ASAP1: variants seen among roughly 807,000 people sequenced by gnomAD.
ASAP1 encodes ArfGAP with SH3 domain, ankyrin repeat and PH domain 1.
ASAP1 carries 43 observed loss-of-function variants against 145.2 expected under a neutral mutation model. That is an observed-to-expected ratio of 0.30 (90% CI 0.23 to 0.38). The LOEUF is 0.38. ASAP1 is among the 10% of genes least tolerant of loss of function. ASAP1 has a pLI of 1.00. For synonymous variants in ASAP1, 546 were observed against 515.5 expected (o/e 1.06, Z -0.80); for missense variants, 1,018 against 1,355.3 (o/e 0.75, Z 3.91).
At chr8:130,215,466 G>A (rs994588232) in intron 4 of ASAP1, among the ~76,000 whole-genome samples, 5 of 151,718 alleles carry the variant, frequency 3.3e-5, no homozygotes, top group East Asian at 3.9e-4. Context: ...GTGTAGGGCC[G>A]GGAGCGGTGG....
intron 3 of ASAP1, among the ~76,000 whole-genome samples, chr8:130,346,513 C>T (rs1825711565): frequency 6.6e-6 from 1 of 151,862 alleles, no homozygotes; most frequent in Non-Finnish European, 1.5e-5. Flanking sequence ...CCTTTCTAAA[C>T]CTAGTTCATC....
chr8:130,364,473 G>A (rs539531012), intron 2 of ASAP1, among the ~76,000 whole-genome samples: 2 of 152,358 alleles, frequency 1.3e-5, no homozygotes, highest in South Asian at 4.1e-4. Flanking sequence ...CTGTCAAGTA[G>A]TGGAGCAGGA....
In ASAP1 at chr8:130,107,444, C is replaced by G. The variant is rs142214307; in HGVS notation, c.2401+4650G>C. The stretch of plus-strand genomic sequence containing the variant: ...TCGTGATCCGCCCGCCTCAGCCTCC[C>G]AAAGTGCTGGGATTACAGGTGTGAG... On this transcript the variant is annotated intron_variant, in intron 24 of 29. Transcript: ENST00000518721. Among the ~76,000 whole-genome samples, 407 of 151,548 alleles carry G rather than the reference C, an allele frequency of 2.7e-3. 1 individual carries two copies. Among genetic ancestry groups the G allele is most frequent in the African/African-American group, 9.4e-3 (390 of 41,332 alleles).
intron 1 of ASAP1, among the ~76,000 whole-genome samples, chr8:130,438,166 A>G (rs1217791135): frequency 6.6e-6 from 1 of 152,138 alleles, no homozygotes; most frequent in African/African-American, 2.4e-5. Context: ...GTTTCTGGGG[A>G]GGATCTGGGA....
chr8:130,440,160 G>A (rs536916847), intron 1 of ASAP1, among the ~76,000 whole-genome samples: 8 of 152,020 alleles, frequency 5.3e-5, no homozygotes, highest in Non-Finnish European at 8.8e-5. Flanking sequence ...CCAGTTCTAA[G>A]CCACCATCCT....
At chr8:130,403,224 C>T (rs56677646) in intron 1 of ASAP1, among the ~76,000 whole-genome samples, 49,055 of 151,840 alleles carry the variant, frequency 0.32, 8,706 homozygotes, top group African/African-American at 0.46. Context: ...TTGATATCAT[C>T]AAATATTCAC....
chr8:130,079,013 C>T (rs1055174290), intron 26 of ASAP1, among the ~76,000 whole-genome samples: 2 of 150,438 alleles, frequency 1.3e-5, no homozygotes, highest in African/African-American at 2.5e-5. Context: ...GGGCAACATG[C>T]TGAGGCCTTG....
intron 2 of ASAP1, chr8:130,361,904 G>C: frequency 1.4e-6 from 1 of 695,002 alleles, no homozygotes; most frequent in Non-Finnish European, 2.6e-6. Context: ...TGTGCACCTG[G>C]CTTTATATAA....
intron 28 of ASAP1, 66 bp from the exon 29 acceptor site, chr8:130,058,142 T>C: frequency 6.3e-7 from 1 of 1,576,710 alleles, no homozygotes; most frequent in Non-Finnish European, 8.7e-7. Flanking sequence ...GCAGCGGTTC[T>C]TTGTAAAATG....
At chr8:130,165,837 A>C (rs2136063307) in intron 11 of ASAP1, among the ~76,000 whole-genome samples, 1 of 152,348 alleles carries the variant, frequency 6.6e-6, no homozygotes, top group Middle Eastern at 3.4e-3. Context: ...TTAAAAGATT[A>C]GTGTCACTAG....
intron 2 of ASAP1, among the ~76,000 whole-genome samples, chr8:130,359,417 G>T (rs561515577): frequency 7.2e-5 from 11 of 152,040 alleles, no homozygotes; most frequent in African/African-American, 2.4e-4. Flanking sequence ...ACCATTCGCT[G>T]AGTATGAATT....
intron 27 of ASAP1, among the ~76,000 whole-genome samples, chr8:130,072,900 C>A (rs1172846521): frequency 6.8e-6 from 1 of 147,808 alleles, no homozygotes; most frequent in African/African-American, 2.5e-5. Flanking sequence ...TAGACAGTGT[C>A]GGAACTGAAT....
chr8:130,362,851 C>CTAAAA (rs145717727), intron 2 of ASAP1, among the ~76,000 whole-genome samples: 3,027 of 152,198 alleles, frequency 0.02, 94 homozygotes, highest in African/African-American at 0.068. Flanking sequence ...GACCAACTCA[C>CTAAAA]TAAAATAAAA....
At position 130,151,151 on chromosome 8, in the gene ASAP1, T is replaced by C. The variant is rs533315904; in HGVS notation, c.1080+1585A>G. Among the ~76,000 whole-genome samples the C allele has an allele frequency of 2.1e-4, 32 of 151,890 alleles. No individual in the cohort carries two copies. The East Asian group carries it at 2.9e-3, about 14-fold the overall frequency. ...ACTTTGGGAGGCCGAAGCGGGCAGA[T>C]CACAAGGTCAGGAGTTTGAGACCAG... On this transcript the variant is annotated intron_variant, in intron 13 of 29. Transcript: ENST00000518721.
intron 1 of ASAP1, among the ~76,000 whole-genome samples, chr8:130,433,782 G>A (rs62517745): frequency 0.015 from 2,359 of 152,246 alleles, 29 homozygotes; most frequent in South Asian, 0.035. Context: ...CCAGGCACTC[G>A]CTTAGCCACT....
chr8:130,279,213 GCTATAGCCTAAAAGTACA>G (rs1029941208), intron 3 of ASAP1, among the ~76,000 whole-genome samples: 1 of 152,114 alleles, frequency 6.6e-6, no homozygotes, highest in African/African-American at 2.4e-5. Context: ...CTTTGTGGTT[GCTATAGCCTAAAAGTACA>G]CGGGGGAGGC....
intron 3 of ASAP1, among the ~76,000 whole-genome samples, chr8:130,353,857 TGA>T (rs148738900): frequency 0.09 from 13,556 of 151,368 alleles, 1,122 homozygotes; most frequent in African/African-American, 0.23. Flanking sequence ...GGCGACAGAG[TGA>T]GAGAGCCTGT....
chr8:130,241,065 C>G (rs1818496761), intron 3 of ASAP1, among the ~76,000 whole-genome samples: 1 of 152,092 alleles, frequency 6.6e-6, no homozygotes, highest in South Asian at 2.1e-4. Context: ...TCAGTCACAG[C>G]AGAGTGTAAG....
intron 2 of ASAP1, among the ~76,000 whole-genome samples, chr8:130,393,162 A>G (rs1279649987): frequency 6.6e-6 from 1 of 152,030 alleles, no homozygotes; most frequent in East Asian, 1.9e-4. Flanking sequence ...GCAGGATTTT[A>G]TCTTGTTTGT....
Sources: gnomAD v4.1 joint callset for allele counts (sites outside exome capture counted in the v4.1 genomes callset) on GRCh38, gnomAD v4.1.1 for gene constraint, MANE v1.5 for transcripts, NCBI Gene and HGNC (gene_info 2026-07-23, HGNC 2026-07-21) for gene names.